INPP4B: variants seen among roughly 807,000 people sequenced by gnomAD.
INPP4B encodes inositol polyphosphate-4-phosphatase type II B, also known as inositol polyphosphate 4-phosphatase type II.
INPP4B carries 55 observed loss-of-function variants against 122.5 expected under a neutral mutation model. That is an observed-to-expected ratio of 0.45 (90% CI 0.36 to 0.56). The LOEUF is 0.56. Ranked by LOEUF, INPP4B falls within the 20% of genes least tolerant of loss-of-function variation. The pLI is 0.00. For synonymous variants in INPP4B, 403 were observed against 388.7 expected (o/e 1.04, Z -0.43); for missense variants, 1,000 against 1,097.7 (o/e 0.91, Z 1.26).
chr4:142,389,180 G>A (rs1359911931), intron 7 of INPP4B, among the ~76,000 whole-genome samples: 2 of 151,618 alleles, frequency 1.3e-5, no homozygotes, highest in Non-Finnish European at 2.9e-5. Context: ...AAGCTGGGAG[G>A]TGGAGATTGC....
intron 1 of INPP4B, among the ~76,000 whole-genome samples, chr4:142,829,445 C>G (rs546224622): frequency 6.7e-4 from 102 of 152,258 alleles, no homozygotes; most frequent in Admixed American, 1.5e-3. Flanking sequence ...TCATTGCTCC[C>G]TCTACGTGGA....
At chr4:142,624,172 T>G (rs1393098645) in intron 2 of INPP4B, among the ~76,000 whole-genome samples, 6 of 151,950 alleles carry the variant, frequency 3.9e-5, no homozygotes, top group African/African-American at 1.5e-4. Context: ...TGAACTAGTT[T>G]ACAGTCCCAC....
At chr4:142,123,532 A>G in intron 19 of INPP4B, 117 bp from the exon 20 acceptor site, 1 of 926,104 alleles carries the variant, frequency 1.1e-6, no homozygotes. Context: ...GTATAACAAA[A>G]CTACAACTAT....
At chr4:142,323,749 T>C (rs1259966481) in intron 7 of INPP4B, among the ~76,000 whole-genome samples, 1 of 137,264 alleles carries the variant, frequency 7.3e-6, no homozygotes, top group Non-Finnish European at 1.6e-5. Flanking sequence ...CCAGCAGATC[T>C]TTTTTTTTTT....
At chr4:142,783,673 G>T (rs1775263291) in intron 1 of INPP4B, among the ~76,000 whole-genome samples, 1 of 152,120 alleles carries the variant, frequency 6.6e-6, no homozygotes, top group South Asian at 2.1e-4. Flanking sequence ...AGAATCCTCT[G>T]TGTACTCTGC....
chr4:142,686,412 C>T (rs1580706621), intron 2 of INPP4B, among the ~76,000 whole-genome samples: 1 of 152,076 alleles, frequency 6.6e-6, no homozygotes, highest in East Asian at 1.9e-4. Context: ...GACCAACAGT[C>T]TAGTTGGCTG....
chr4:142,587,639 T>C (rs1424781385), intron 2 of INPP4B, among the ~76,000 whole-genome samples: 3 of 152,086 alleles, frequency 2.0e-5, no homozygotes, highest in African/African-American at 7.2e-5. Context: ...TCAGGGTAAA[T>C]TGGATGTCCA....
At chr4:142,631,687 G>A (rs368374858) in intron 2 of INPP4B, among the ~76,000 whole-genome samples, 2 of 152,030 alleles carry the variant, frequency 1.3e-5, no homozygotes, top group African/African-American at 4.8e-5. Flanking sequence ...ATCTTAAGAG[G>A]TAGAAAAGAG....
At position 142,408,401 on chromosome 4, in the gene INPP4B, A is replaced by T. The variant is rs1803900562; in HGVS notation, c.137-3077T>A. Among the ~76,000 whole-genome samples, 3 of 152,068 alleles carry T rather than the reference A, an allele frequency of 2.0e-5. No homozygotes were observed. In the South Asian group the frequency reaches 6.2e-4, roughly 32 times the overall value. ...AACCCCATCTCTATTAAAAATACAA[A>T]AATTAGCTGGGCGTGGTGGCACACT... On this transcript the variant is annotated intron_variant, in intron 5 of 25. Coordinates refer to ENST00000262992, the MANE Select transcript of INPP4B (RefSeq NM_001101669.3).
chr4:142,644,740 TAAA>T (rs55700762), intron 2 of INPP4B, among the ~76,000 whole-genome samples: 5 of 71,044 alleles, frequency 7.0e-5, no homozygotes, highest in East Asian at 7.2e-4. Flanking sequence ...CATCTCTACT[TAAA>T]AAAAAAAAAA....
At chr4:142,330,674 G>A (rs935036141) in intron 7 of INPP4B, among the ~76,000 whole-genome samples, 1 of 152,088 alleles carries the variant, frequency 6.6e-6, no homozygotes, top group African/African-American at 2.4e-5. Flanking sequence ...TACATCACCT[G>A]GGATGTTTAA....
intron 11 of INPP4B, among the ~76,000 whole-genome samples, chr4:142,254,109 C>G (rs751228388): frequency 6.6e-6 from 1 of 151,988 alleles, no homozygotes; most frequent in Non-Finnish European, 1.5e-5. Flanking sequence ...ACACCTCACA[C>G]GGCCGGTACT....
At chr4:142,346,835 ATTCTAAGAGGTAGAGCCAG>A (rs1444746225) in intron 7 of INPP4B, among the ~76,000 whole-genome samples, 2 of 152,060 alleles carry the variant, frequency 1.3e-5, no homozygotes, top group East Asian at 3.9e-4. Context: ...GAATAATGAC[ATTCTAAGAGGTAGAGCCAG>A]TTCCGTGATG....
chr4:142,267,890 T>A (rs1743586759), intron 10 of INPP4B, among the ~76,000 whole-genome samples: 1 of 151,860 alleles, frequency 6.6e-6, no homozygotes. Flanking sequence ...ACAAAGGACC[T>A]AAAAAACACT....
intron 2 of INPP4B, among the ~76,000 whole-genome samples, chr4:142,644,716 A>G (rs897275493): frequency 6.8e-6 from 1 of 147,708 alleles, no homozygotes; most frequent in Admixed American, 6.8e-5. Context: ...AGTCTGGCCA[A>G]CATGGCAAAA....
intron 2 of INPP4B, among the ~76,000 whole-genome samples, chr4:142,608,798 C>T (rs1003311695): frequency 3.3e-5 from 5 of 152,138 alleles, no homozygotes; most frequent in African/African-American, 4.8e-5. Context: ...TTTCAAGATC[C>T]TCTCTGTCTT....
intron 2 of INPP4B, among the ~76,000 whole-genome samples, chr4:142,574,825 C>T (rs960522042): frequency 4.6e-5 from 7 of 152,060 alleles, no homozygotes; most frequent in Non-Finnish European, 1.0e-4. Flanking sequence ...CTGCCTTCAG[C>T]TGCACAGCTC....
At chr4:142,730,526 T>C (rs1351733655) in intron 1 of INPP4B, among the ~76,000 whole-genome samples, 1 of 152,186 alleles carries the variant, frequency 6.6e-6, no homozygotes, top group Non-Finnish European at 1.5e-5. Flanking sequence ...TGTGGTTCAG[T>C]TCTTACTTCT....
intron 2 of INPP4B, among the ~76,000 whole-genome samples, chr4:142,472,061 C>T (rs1818938113): frequency 6.6e-6 from 1 of 151,946 alleles, no homozygotes; most frequent in Non-Finnish European, 1.5e-5. Context: ...AAAGGAATTC[C>T]TTTTTCCTTT....
Sources: allele counts gnomAD v4.1 joint callset (sites outside exome capture counted in the v4.1 genomes callset), GRCh38; gene constraint gnomAD v4.1.1; transcripts MANE v1.5; gene names NCBI Gene and HGNC (gene_info 2026-07-23, HGNC 2026-07-21).